The following LYZL4 variants were observed in gnomAD, a reference collection of about 807,000 sequenced individuals.
The protein encoded by LYZL4 is lysozyme like 4.
Under a neutral mutation model 17.6 loss-of-function variants are expected in LYZL4, and 13 were observed. The observed-to-expected ratio is 0.74, with a 90% CI of 0.48 to 1.18. The LOEUF is 1.18. LYZL4 is among the 50% of genes most tolerant of loss of function. The probability of loss-of-function intolerance (pLI) is 0.00; values close to 1 mark genes in which losing one functional copy is unlikely to be tolerated. For synonymous variants in LYZL4, 64 were observed against 67.7 expected (o/e 0.95, Z 0.27); for missense variants, 174 against 188.2 (o/e 0.92, Z 0.44).
Position 42,407,309 on chromosome 3 carries a change from C to T in LYZL4, c.-58G>A. On this transcript the variant is annotated 5_prime_UTR_variant, in exon 2 of 5. It adds an upstream start codon to the 5' untranslated region. Coordinates refer to ENST00000287748, the MANE Select transcript of LYZL4 (RefSeq NM_144634.4). ...GTGGCCAGATGAGTGGGTGGAGTCA[C>T]AGGGACACTGGTTCTCTGAAGGGAA... 1 of 1,610,082 alleles carries T rather than the reference C, an allele frequency of 6.2e-7. No homozygotes were observed. The highest frequency in any genetic ancestry group is 1.1e-5 in the South Asian group (1 of 90,400).
At chr3:42,377,022 T>C in the LYZL4 span, among the ~76,000 whole-genome samples, 1 of 152,208 alleles carries the variant, frequency 6.6e-6, no homozygotes, top group African/African-American at 2.4e-5. Context: ...TAATAAATCT[T>C]CCAGAATTTT....
At chr3:42,375,800 G>T in the LYZL4 span, among the ~76,000 whole-genome samples, 1 of 152,066 alleles carries the variant, frequency 6.6e-6, no homozygotes, top group African/African-American at 2.4e-5. Context: ...TTATCTTCAG[G>T]CTCCACCAGC....
chr3:42,392,756 T>G (rs1397258261), downstream of LYZL4, among the ~76,000 whole-genome samples: 1 of 152,130 alleles, frequency 6.6e-6, no homozygotes. Flanking sequence ...GAGATTCCAG[T>G]GGAGCCAAAG....
chr3:42,398,876 T>C (rs1698604240), intron 4 of LYZL4, among the ~76,000 whole-genome samples: 2 of 152,158 alleles, frequency 1.3e-5, no homozygotes, highest in Non-Finnish European at 2.9e-5. Flanking sequence ...GAAACTCTCG[T>C]AGGATAAAAA....
the LYZL4 span, among the ~76,000 whole-genome samples, chr3:42,374,976 A>AT: frequency 2.3e-4 from 35 of 151,786 alleles, no homozygotes; most frequent in East Asian, 4.5e-3. Context: ...TACCTAGCTA[A>AT]TTTTTTGTAT....
the LYZL4 span, among the ~76,000 whole-genome samples, chr3:42,364,555 G>A: frequency 4.0e-5 from 6 of 151,880 alleles, no homozygotes; most frequent in African/African-American, 1.5e-4. Context: ...ATGTTAGCCA[G>A]GCTGGTCTCA....
intron 4 of LYZL4, among the ~76,000 whole-genome samples, chr3:42,399,878 C>A (rs918464307): frequency 6.6e-6 from 1 of 151,580 alleles, no homozygotes; most frequent in African/African-American, 2.4e-5. Flanking sequence ...GAAAAACAAT[C>A]TCTGATTGAA....
At chr3:42,375,214 T>C in the LYZL4 span, among the ~76,000 whole-genome samples, 1 of 152,178 alleles carries the variant, frequency 6.6e-6, no homozygotes, top group African/African-American at 2.4e-5. Flanking sequence ...CTGTCTTCTC[T>C]CCTGTGCTCT....
At chr3:42,382,736 G>T in the LYZL4 span, among the ~76,000 whole-genome samples, 5 of 151,896 alleles carry the variant, frequency 3.3e-5, no homozygotes, top group Admixed American at 3.3e-4. Flanking sequence ...TCCCTGAATG[G>T]CCTCCATTTT....
chr3:42,368,065 G>A, the LYZL4 span, among the ~76,000 whole-genome samples: 1 of 152,098 alleles, frequency 6.6e-6, no homozygotes, highest in African/African-American at 2.4e-5. Flanking sequence ...ATTTGCACAG[G>A]ACCACTCATT....
At chr3:42,407,059 G>A (rs2125603356) in intron 2 of LYZL4, 54 bp downstream of exon 2, 1 of 1,613,822 alleles carries the variant, frequency 6.2e-7, no homozygotes, top group Non-Finnish European at 8.5e-7. Flanking sequence ...TGCTTGGCCA[G>A]AGAAGGGAGG....
the LYZL4 span, among the ~76,000 whole-genome samples, chr3:42,374,738 A>G: frequency 1.6e-4 from 25 of 152,308 alleles, no homozygotes; most frequent in Middle Eastern, 0.01. Flanking sequence ...CACACCTTGC[A>G]TTGTGTATTT....
chr3:42,383,609 G>A, the LYZL4 span, among the ~76,000 whole-genome samples: 2,389 of 152,054 alleles, frequency 0.016, 29 homozygotes, highest in Non-Finnish European at 0.026. Flanking sequence ...TAGGTAGAAA[G>A]AAAGAGACTG....
intron 1 of LYZL4, among the ~76,000 whole-genome samples, chr3:42,407,857 C>A (rs1698786913): frequency 6.6e-6 from 1 of 152,122 alleles, no homozygotes; most frequent in Non-Finnish European, 1.5e-5. Flanking sequence ...AACCAAACTC[C>A]CCTGAGTTTT....
chr3:42,381,218 T>A, the LYZL4 span, among the ~76,000 whole-genome samples: 3 of 152,226 alleles, frequency 2.0e-5, no homozygotes, highest in Non-Finnish European at 4.4e-5. Flanking sequence ...ATTGATGCAG[T>A]GACTGATGTT....
the LYZL4 span, among the ~76,000 whole-genome samples, chr3:42,373,050 C>A: frequency 4.6e-5 from 7 of 150,720 alleles, no homozygotes; most frequent in Non-Finnish European, 7.4e-5. Context: ...CCACAAAAAC[C>A]AAAAAAAAAT....
At chr3:42,402,283 G>T (rs1385260461) in intron 4 of LYZL4, among the ~76,000 whole-genome samples, 2 of 150,918 alleles carry the variant, frequency 1.3e-5, no homozygotes, top group Admixed American at 6.6e-5. Flanking sequence ...TCTAGCCAGG[G>T]TGACAGAGCA....
downstream of LYZL4, among the ~76,000 whole-genome samples, chr3:42,393,087 C>T (rs896962793): frequency 1.6e-4 from 24 of 152,062 alleles, no homozygotes; most frequent in African/African-American, 5.6e-4. Context: ...GCAGGAGGAA[C>T]ACTTGCTTCA....
chr3:42,376,321 C>A, the LYZL4 span, among the ~76,000 whole-genome samples: 2 of 152,202 alleles, frequency 1.3e-5, no homozygotes, highest in African/African-American at 4.8e-5. Flanking sequence ...GGTGCCCCCC[C>A]ACCCTCTGCC....
Sources: gnomAD v4.1 joint callset for allele counts (sites outside exome capture counted in the v4.1 genomes callset) on GRCh38, gnomAD v4.1.1 for gene constraint, MANE v1.5 for transcripts, NCBI Gene and HGNC (gene_info 2026-07-23, HGNC 2026-07-21) for gene names.